DENND1B: variants seen among roughly 807,000 people sequenced by gnomAD.
DENND1B encodes the protein DENN domain-containing protein 1B.
In DENND1B, 59 loss-of-function variants were observed where a neutral mutation model predicts 90.1. That is an observed-to-expected ratio of 0.65 (90% CI 0.53 to 0.81). The LOEUF (loss-of-function observed/expected upper bound fraction) is 0.81. Among genes scored for constraint, DENND1B ranks in the 40% least tolerant of loss-of-function variants. The pLI, the probability that DENND1B is intolerant of heterozygous loss-of-function variation, is 0.00. For synonymous variants in DENND1B, 337 were observed against 324.6 expected, an observed-to-expected ratio of 1.04 and a Z score of -0.41; for missense variants, 862 against 912.6, an observed-to-expected ratio of 0.94 and a Z score of 0.71.
intron 20 of DENND1B, among the ~76,000 whole-genome samples, chr1:197,538,869 G>C (rs937729849): frequency 2.6e-5 from 4 of 151,938 alleles, no homozygotes; most frequent in Non-Finnish European, 5.9e-5. Flanking sequence ...GGTGGGATTA[G>C]TGCTGTTATA....
intron 10 of DENND1B, among the ~76,000 whole-genome samples, chr1:197,627,753 A>G (rs960077206): frequency 1.3e-5 from 2 of 152,178 alleles, no homozygotes; most frequent in Non-Finnish European, 2.9e-5. Flanking sequence ...CTGTTTGCAG[A>G]TGACATTATT....
intron 3 of DENND1B, among the ~76,000 whole-genome samples, chr1:197,698,625 C>T (rs919894389): frequency 2.6e-5 from 4 of 151,298 alleles, no homozygotes; most frequent in African/African-American, 9.7e-5. Flanking sequence ...ATCAATGAAC[C>T]CAGAAGCTGT....
intron 18 of DENND1B, among the ~76,000 whole-genome samples, chr1:197,544,981 AGG>A: frequency 4.9e-4 from 1 of 2,030 alleles, no homozygotes; most frequent in Non-Finnish European, 1.1e-3. Context: ...GGAAGGAGGA[AGG>A]GGAAGAAGGA....
intron 13 of DENND1B, chr1:197,606,703 C>G (rs1676714062): frequency 6.1e-6 from 1 of 163,474 alleles, no homozygotes; most frequent in Non-Finnish European, 1.3e-5. Context: ...CCCCCTTCTT[C>G]TTCTTGCCTT....
intron 11 of DENND1B, among the ~76,000 whole-genome samples, chr1:197,614,938 A>G (rs1241283111): frequency 1.3e-5 from 2 of 151,008 alleles, no homozygotes; most frequent in African/African-American, 4.8e-5. Context: ...GTCTTGCAAC[A>G]TCATAGACTT....
rs1028345199 is a variant in DENND1B at position 197,736,104 on chromosome 1, C to T, written c.83-21030G>A. ...TTTCAGTTCTCGAGTTGGTGGAAAA[C>T]GCTAAACTGGCAGATTAGATTTTTA... is the stretch of plus-strand genomic sequence containing the variant. On this transcript the variant is annotated intron_variant, in intron 2 of 22. Coordinates refer to ENST00000620048, the MANE Select transcript of DENND1B (RefSeq NM_001195215.2). 5.2e-5 allele frequency: 37 copies of T among 714,246 alleles called. 1 individual carries two copies. The African/African-American group carries it at 6.0e-4, about 12-fold the overall frequency. 44.2% of individuals were successfully genotyped at this position (714,246 alleles called of 1,614,324 possible).
chr1:197,518,865 C>T (rs1041166473), intron 20 of DENND1B, among the ~76,000 whole-genome samples: 1 of 151,784 alleles, frequency 6.6e-6, no homozygotes, highest in Non-Finnish European at 1.5e-5. Context: ...CTGTGAAAGA[C>T]TTTGAAATGG....
chr1:197,753,112 T>G (rs1653792019), intron 2 of DENND1B, among the ~76,000 whole-genome samples: 1 of 151,926 alleles, frequency 6.6e-6, no homozygotes, highest in Admixed American at 6.6e-5. Context: ...ATAAAGAACA[T>G]AAAACAAAAT....
Position 197,510,386 on chromosome 1 carries a change from C to A in DENND1B, c.*74G>T. 6.9e-7 allele frequency: 1 copy of A among 1,452,664 alleles called. No individual in the cohort carries two copies. Among genetic ancestry groups the A allele is most frequent in the Non-Finnish European group, 9.1e-7 (1 of 1,095,022 alleles). The allele number at this position is 1,452,664 out of a possible 1,614,324, so 90.0% of individuals were successfully genotyped here. ...ATTTAAATAGTATGAGTTGCCATTC[C>A]TACAAATAATTCTGTTTATTATACA... On this transcript the variant is annotated 3_prime_UTR_variant, in exon 23 of 23. Transcript: ENST00000620048.
chr1:197,768,204 T>A (rs1284176417), intron 2 of DENND1B, among the ~76,000 whole-genome samples: 1 of 151,812 alleles, frequency 6.6e-6, no homozygotes, highest in Admixed American at 6.6e-5. Context: ...CTTCTCCTCC[T>A]CCTCTTCCTC....
chr1:197,748,302 C>T (rs1194736529), intron 2 of DENND1B, among the ~76,000 whole-genome samples: 3 of 151,664 alleles, frequency 2.0e-5, no homozygotes, highest in Admixed American at 6.6e-5. Flanking sequence ...GAAAAGTAAA[C>T]AGAAACAAAT....
chr1:197,513,890 G>A (rs1668214406), intron 20 of DENND1B, among the ~76,000 whole-genome samples: 1 of 151,362 alleles, frequency 6.6e-6, no homozygotes. Context: ...CTATAAATTG[G>A]TAGCTACCTC....
At chr1:197,547,298 C>T (rs1353941804) in intron 16 of DENND1B, among the ~76,000 whole-genome samples, 1 of 151,522 alleles carries the variant, frequency 6.6e-6, no homozygotes. Flanking sequence ...CCAGTGGCTA[C>T]TCAGACACTA....
chr1:197,678,229 T>C (rs146647364), intron 3 of DENND1B, among the ~76,000 whole-genome samples: 77 of 152,326 alleles, frequency 5.1e-4, no homozygotes, highest in African/African-American at 1.8e-3. Context: ...GAGTGAAGTA[T>C]ATTATATTTT....
At chr1:197,542,917 T>TTTTATTTA (rs56325969) in intron 18 of DENND1B, among the ~76,000 whole-genome samples, 2,015 of 148,110 alleles carry the variant, frequency 0.014, 44 homozygotes, top group African/African-American at 0.04. Context: ...TAGAAACCTT[T>TTTTATTTA]TTTATTTATT....
At chr1:197,631,613 C>G (rs1406840723) in intron 10 of DENND1B, among the ~76,000 whole-genome samples, 1 of 151,610 alleles carries the variant, frequency 6.6e-6, no homozygotes, top group Non-Finnish European at 1.5e-5. Flanking sequence ...CGCAAACCAC[C>G]AGCAACTGAA....
At chr1:197,554,255 G>A (rs1019869961) in intron 15 of DENND1B, among the ~76,000 whole-genome samples, 9 of 151,930 alleles carry the variant, frequency 5.9e-5, no homozygotes, top group African/African-American at 2.2e-4. Flanking sequence ...GTATCTTTAA[G>A]TCTTCCTTGC....
intron 2 of DENND1B, chr1:197,736,031 C>A (rs1048182602): frequency 1.0e-6 from 1 of 958,020 alleles, no homozygotes; most frequent in African/African-American, 1.6e-5. Flanking sequence ...GCTGTTAAGG[C>A]ACCTACAAAG....
At position 197,681,448 on chromosome 1, in the gene DENND1B, T is replaced by C. The variant is rs563434269; in HGVS notation, c.127-7279A>G. On this transcript the variant is annotated intron_variant, in intron 3 of 22. Coordinates refer to ENST00000620048, the MANE Select transcript of DENND1B (RefSeq NM_001195215.2). ...TATTTTCAATTTAAGGGGGACATAC[T>C]GATCAAATTCTTTTATTCATGTACT... Among the ~76,000 whole-genome samples, 4 of 152,280 alleles carry C rather than the reference T, an allele frequency of 2.6e-5. No individual in the cohort carries two copies. In the South Asian group the frequency reaches 8.3e-4, roughly 32 times the overall value.
Sources: allele counts gnomAD v4.1 joint callset (sites outside exome capture counted in the v4.1 genomes callset), GRCh38; gene constraint gnomAD v4.1.1; transcripts MANE v1.5; gene names NCBI Gene and HGNC (gene_info 2026-07-23, HGNC 2026-07-21).